The following AUTS2 variants were observed in gnomAD, a reference collection of about 807,000 sequenced individuals.
AUTS2 encodes the protein autism susceptibility gene 2 protein.
A neutral mutation model predicts 112.4 loss-of-function variants in AUTS2; 17 were observed. That is an observed-to-expected ratio of 0.15 (90% CI 0.10 to 0.23). The LOEUF is 0.23. Among genes scored for constraint, AUTS2 ranks in the 10% least tolerant of loss-of-function variants. The probability of loss-of-function intolerance (pLI) is 1.00; values close to 1 mark genes in which losing one functional copy is unlikely to be tolerated. For synonymous variants in AUTS2, 751 were observed against 702.7 expected, an observed-to-expected ratio of 1.07 and a Z score of -1.09; for missense variants, 1,510 against 1,701.6, an observed-to-expected ratio of 0.89 and a Z score of 1.98.
At chr7:69,820,365 C>A (rs1280734675) in intron 1 of AUTS2, among the ~76,000 whole-genome samples, 1 of 152,224 alleles carries the variant, frequency 6.6e-6, no homozygotes, top group African/African-American at 2.4e-5. Flanking sequence ...GGTCCCCAGA[C>A]AAGGAGCACC....
At chr7:70,540,848 A>G (rs140349992) in intron 5 of AUTS2, among the ~76,000 whole-genome samples, 1,856 of 152,312 alleles carry the variant, frequency 0.012, 43 homozygotes, top group South Asian at 0.07. Flanking sequence ...ATTAGCACTC[A>G]GGAAAGGTTG....
chr7:70,155,055 A>G (rs1286953933), intron 4 of AUTS2, among the ~76,000 whole-genome samples: 1 of 152,096 alleles, frequency 6.6e-6, no homozygotes. Context: ...TCCCAGGTGG[A>G]TGTTTCATTA....
At chr7:69,881,698 T>C (rs1794053360) in intron 1 of AUTS2, among the ~76,000 whole-genome samples, 1 of 152,132 alleles carries the variant, frequency 6.6e-6, no homozygotes, top group Non-Finnish European at 1.5e-5. Context: ...CATATGGTGA[T>C]AGGAAATGCC....
Position 69,652,651 on chromosome 7 carries a change from G to T in AUTS2, c.309+52689G>T, listed in dbSNP as rs1055148247. Among the ~76,000 whole-genome samples, 11 of 152,062 alleles carry T rather than the reference G, an allele frequency of 7.2e-5. No individual in the cohort carries two copies. In the East Asian group the frequency reaches 9.7e-4, roughly 13 times the overall value. On this transcript the variant is annotated intron_variant, in intron 1 of 18. Transcript: ENST00000342771. ...GTTGTCACAGGCTTTTCCTCAATTT[G>T]TGAATTTATGGACCTGCAAAGTTTT...
At chr7:70,602,329 G>T (rs38314) in intron 5 of AUTS2, among the ~76,000 whole-genome samples, 1 of 151,910 alleles carries the variant, frequency 6.6e-6, no homozygotes, top group African/African-American at 2.4e-5. Context: ...TAATGTCACC[G>T]GTTGGACTGT....
At chr7:70,064,145 T>C (rs1802382522) in intron 2 of AUTS2, among the ~76,000 whole-genome samples, 1 of 152,184 alleles carries the variant, frequency 6.6e-6, no homozygotes, top group African/African-American at 2.4e-5. Context: ...GGCCACTCTT[T>C]ATCCTTTTAG....
At chr7:70,362,657 T>TCCTC (rs1211510505) in intron 4 of AUTS2, among the ~76,000 whole-genome samples, 1 of 152,064 alleles carries the variant, frequency 6.6e-6, no homozygotes, top group Non-Finnish European at 1.5e-5. Flanking sequence ...CTCTCTTCCT[T>TCCTC]CCTCCCTCCC....
Position 70,741,571 on chromosome 7 carries a change from A to G in AUTS2, c.743-21299A>G, listed in dbSNP as rs377699443. The stretch of plus-strand genomic sequence containing the variant: ...CCGGGCGTGGTGGCACATGCCTGTA[A>G]TCCCAGCTACTTAGGAGACTGAGGC... On this transcript the variant is annotated intron_variant, in intron 6 of 18. Transcript: ENST00000342771. 2.7e-4 allele frequency among the ~76,000 whole-genome samples: 41 copies of G among 152,076 alleles called. 1 individual carries two copies. The South Asian group carries it at 7.9e-3, about 29-fold the overall frequency.
chr7:70,644,481 C>T (rs1337137835), intron 5 of AUTS2, among the ~76,000 whole-genome samples: 1 of 152,120 alleles, frequency 6.6e-6, no homozygotes. Flanking sequence ...TGCCATTCTG[C>T]GCTCTCCACG....
intron 2 of AUTS2, among the ~76,000 whole-genome samples, chr7:69,963,950 A>G (rs1414251386): frequency 1.3e-5 from 2 of 152,140 alleles, no homozygotes; most frequent in Non-Finnish European, 2.9e-5. Context: ...ACAAAAACCA[A>G]TAACGTACCT....
intron 2 of AUTS2, among the ~76,000 whole-genome samples, chr7:70,025,796 A>G (rs1046352761): frequency 2.5e-5 from 2 of 79,310 alleles, no homozygotes; most frequent in African/African-American, 1.2e-4. Context: ...TTTTTTTTTT[A>G]ATAGGATGCT....
At chr7:70,224,603 T>C (rs995853797) in intron 4 of AUTS2, among the ~76,000 whole-genome samples, 7 of 152,168 alleles carry the variant, frequency 4.6e-5, no homozygotes, top group Non-Finnish European at 7.3e-5. Flanking sequence ...TAAATAATTT[T>C]AGTGTAACCA....
At chr7:70,656,338 ACCAGTC>A (rs1379004593) in intron 5 of AUTS2, among the ~76,000 whole-genome samples, 1 of 152,118 alleles carries the variant, frequency 6.6e-6, no homozygotes, top group African/African-American at 2.4e-5. Context: ...GTTCTCTTCT[ACCAGTC>A]TTAATTTCAT....
chr7:69,720,571 C>T (rs2129214115), intron 1 of AUTS2, among the ~76,000 whole-genome samples: 1 of 152,266 alleles, frequency 6.6e-6, no homozygotes, highest in Middle Eastern at 3.4e-3. Flanking sequence ...CCCAATTTAT[C>T]TTTTAAGTAA....
intron 2 of AUTS2, among the ~76,000 whole-genome samples, chr7:70,074,006 A>G (rs1802909571): frequency 6.6e-6 from 1 of 152,196 alleles, no homozygotes; most frequent in Non-Finnish European, 1.5e-5. Flanking sequence ...AGATTTTGTC[A>G]ACTGAATAAT....
intron 1 of AUTS2, among the ~76,000 whole-genome samples, chr7:69,632,682 A>G (rs1020798070): frequency 6.8e-6 from 1 of 147,736 alleles, no homozygotes; most frequent in Admixed American, 6.9e-5. Flanking sequence ...TTCTGTTCAT[A>G]TATAGGTAGT....
At chr7:70,296,142 C>A (rs1788923735) in intron 4 of AUTS2, among the ~76,000 whole-genome samples, 1 of 152,304 alleles carries the variant, frequency 6.6e-6, no homozygotes, top group African/African-American at 2.4e-5. Context: ...CCTCATACTT[C>A]CCAAGGTCAG....
intron 4 of AUTS2, among the ~76,000 whole-genome samples, chr7:70,333,461 A>G (rs1157827195): frequency 2.0e-5 from 3 of 152,300 alleles, no homozygotes; most frequent in African/African-American, 7.2e-5. Context: ...TACCGGATAT[A>G]TACCTAAAGG....
chr7:69,720,314 A>C (rs937111522), intron 1 of AUTS2, among the ~76,000 whole-genome samples: 2 of 152,198 alleles, frequency 1.3e-5, no homozygotes, highest in African/African-American at 4.8e-5. Flanking sequence ...TGAGGGTTAT[A>C]GGCTTTCAAA....
Sources: gnomAD v4.1 joint callset for allele counts (sites outside exome capture counted in the v4.1 genomes callset) on GRCh38, gnomAD v4.1.1 for gene constraint, MANE v1.5 for transcripts, NCBI Gene and HGNC (gene_info 2026-07-23, HGNC 2026-07-21) for gene names.